Variants in OGDH observed in about 807,000 individuals in gnomAD.
OGDH encodes 2-oxoglutarate dehydrogenase complex component E1.
OGDH carries 38 observed loss-of-function variants against 116.6 expected under a neutral mutation model. The observed-to-expected ratio is 0.33, with a 90% CI of 0.25 to 0.43. The LOEUF is 0.43. Among genes scored for constraint, OGDH ranks in the 20% least tolerant of loss-of-function variants. The pLI is 1.00. For synonymous variants in OGDH, 488 were observed against 533.3 expected, an observed-to-expected ratio of 0.92 and a Z score of 1.17; for missense variants, 825 against 1,357.2, an observed-to-expected ratio of 0.61 and a Z score of 6.16.
At chr7:44,615,038 C>T (rs1321627513) in intron 1 of OGDH, among the ~76,000 whole-genome samples, 1 of 151,964 alleles carries the variant, frequency 6.6e-6, no homozygotes, top group Non-Finnish European at 1.5e-5. Context: ...CCATGTTGGC[C>T]AGGCTGGTCT....
At chr7:44,627,452 T>C (rs1216055175) in intron 2 of OGDH, among the ~76,000 whole-genome samples, 1 of 152,254 alleles carries the variant, frequency 6.6e-6, no homozygotes, top group Non-Finnish European at 1.5e-5. Flanking sequence ...AATAATAGTT[T>C]AAATAGAGAT....
chr7:44,661,987 T>G (rs960782478), intron 4 of OGDH, among the ~76,000 whole-genome samples: 3 of 152,236 alleles, frequency 2.0e-5, no homozygotes, highest in African/African-American at 7.2e-5. Flanking sequence ...CATCTACTAG[T>G]GTCATAACTT....
At chr7:44,608,688 TA>T (rs1163683366) in intron 1 of OGDH, among the ~76,000 whole-genome samples, 3 of 151,398 alleles carry the variant, frequency 2.0e-5, no homozygotes, top group Non-Finnish European at 4.4e-5. Context: ...GCCACGGCAC[TA>T]CAGCCTGAGC....
intron 17 of OGDH, 40 bp from the exon 18 acceptor site, chr7:44,698,152 G>A (rs139723187): frequency 7.2e-5 from 116 of 1,609,282 alleles, no homozygotes; most frequent in African/African-American, 6.5e-4. Context: ...ATGTCAGTAC[G>A]CAAGAGCTCT....
chr7:44,691,258 G>A (rs1428549529), intron 10 of OGDH, among the ~76,000 whole-genome samples: 1 of 152,122 alleles, frequency 6.6e-6, no homozygotes, highest in East Asian at 1.9e-4. Context: ...AGATGCAATG[G>A]CTCAAACCTG....
chr7:44,628,877 C>T (rs1283401768), intron 2 of OGDH, among the ~76,000 whole-genome samples: 1 of 152,072 alleles, frequency 6.6e-6, no homozygotes, highest in East Asian at 1.9e-4. Context: ...GAACAGAATC[C>T]GGTTAACTAG....
chr7:44,653,185 C>T (rs1236553215), intron 4 of OGDH, among the ~76,000 whole-genome samples: 2 of 152,034 alleles, frequency 1.3e-5, no homozygotes, highest in African/African-American at 4.8e-5. Context: ...CCTCCACCTC[C>T]AGGTTCAAGT....
At chr7:44,649,592 C>T (rs1239026631) in intron 4 of OGDH, among the ~76,000 whole-genome samples, 43 of 152,084 alleles carry the variant, frequency 2.8e-4, no homozygotes, top group Non-Finnish European at 2.9e-5. Context: ...CCTCTCCTTC[C>T]AGAACCTGCA....
chr7:44,631,661 A>C (rs1197536989), intron 2 of OGDH, among the ~76,000 whole-genome samples: 1 of 152,154 alleles, frequency 6.6e-6, no homozygotes, highest in Admixed American at 6.5e-5. Context: ...CAACACCCTC[A>C]CTTGTGTGGT....
rs577650463 is a variant in OGDH at position 44,610,754 on chromosome 7, G to T, written c.-28+4101G>T. Among the ~76,000 whole-genome samples, 4 of 152,030 alleles carry T rather than the reference G, an allele frequency of 2.6e-5. No homozygotes were observed. In the South Asian group the frequency reaches 8.3e-4, roughly 32 times the overall value. ...CCCAAGTAGCTGGGACTACAGCCGC[G>T]TGCCACCACGCCCGGCTAATTCTTT... On this transcript the variant is annotated intron_variant, in intron 1 of 22. Coordinates refer to ENST00000222673, the MANE Select transcript of OGDH (RefSeq NM_002541.4).
At chr7:44,647,141 A>G (rs1438746425) in intron 3 of OGDH, among the ~76,000 whole-genome samples, 1 of 152,224 alleles carries the variant, frequency 6.6e-6, no homozygotes, top group African/African-American at 2.4e-5. Context: ...TGGAGTAAGA[A>G]TTGCCCAGCA....
At chr7:44,662,048 T>C (rs1786970311) in intron 4 of OGDH, among the ~76,000 whole-genome samples, 1 of 152,242 alleles carries the variant, frequency 6.6e-6, no homozygotes, top group Non-Finnish European at 1.5e-5. Flanking sequence ...ATCTCTTTAC[T>C]GTCCTGCATT....
intron 2 of OGDH, among the ~76,000 whole-genome samples, chr7:44,644,731 C>T (rs1017733923): frequency 3.3e-5 from 5 of 152,162 alleles, no homozygotes; most frequent in African/African-American, 1.2e-4. Flanking sequence ...GGGGTTAGTG[C>T]TGCCTCTTAC....
chr7:44,656,724 G>A (rs1158594915), intron 4 of OGDH, among the ~76,000 whole-genome samples: 2 of 152,188 alleles, frequency 1.3e-5, no homozygotes, highest in Admixed American at 6.5e-5. Flanking sequence ...GGCTTGTCCT[G>A]TCCTCCACAT....
chr7:44,622,156 T>C (rs1177585274), intron 1 of OGDH, among the ~76,000 whole-genome samples: 1 of 152,066 alleles, frequency 6.6e-6, no homozygotes, highest in Non-Finnish European at 1.5e-5. Context: ...AATATTGCCT[T>C]AATAATGACA....
Position 44,707,299 on chromosome 7 carries a change from T to A in OGDH, c.2707T>A (p.Phe903Ile). 2.5e-6 allele frequency: 4 copies of A among 1,614,240 alleles called. No homozygotes were observed. Among genetic ancestry groups the A allele is most frequent in the Non-Finnish European group, 3.4e-6 (4 of 1,180,030 alleles). ...CCCAGAAAATGTCAAAAGGCTTCTC[T>A]TCTGCACCGGCAAAGTGTATTATGA... is the stretch of plus-strand genomic sequence containing the variant. ...QNPENVKRLL[F>I]CTGKVYYDLT... Residue 903 changes from phenylalanine to isoleucine, a missense_variant, in exon 21 of 23, where the codon TTC becomes ATC. Physicochemically the swap from Phe to Ile is conservative, Grantham distance 21. Coordinates refer to ENST00000222673, the MANE Select transcript of OGDH (RefSeq NM_002541.4). The surrounding 1 kb of genome is among the most constrained non-coding windows in gnomAD (Gnocchi z 5.2).
At chr7:44,627,595 C>T (rs1585240594) in intron 2 of OGDH, among the ~76,000 whole-genome samples, 1 of 152,224 alleles carries the variant, frequency 6.6e-6, no homozygotes, top group Admixed American at 6.5e-5. Flanking sequence ...GGACTAAACT[C>T]ATATAGCAGA....
intron 4 of OGDH, among the ~76,000 whole-genome samples, chr7:44,653,150 G>A (rs988470767): frequency 1.3e-5 from 2 of 152,018 alleles, no homozygotes; most frequent in African/African-American, 4.8e-5. Flanking sequence ...CTGGAGTGCA[G>A]TGGTGCAATG....
chr7:44,640,364 G>A (rs1364214715), intron 2 of OGDH, among the ~76,000 whole-genome samples: 1 of 152,108 alleles, frequency 6.6e-6, no homozygotes, highest in Non-Finnish European at 1.5e-5. Flanking sequence ...CATTCCAGGT[G>A]CTCTAAGTAA....
Sources: allele counts gnomAD v4.1 joint callset (sites outside exome capture counted in the v4.1 genomes callset), GRCh38; gene constraint gnomAD v4.1.1; non-coding constraint Gnocchi (gnomAD v3.1); transcripts MANE v1.5; gene names NCBI Gene and HGNC (gene_info 2026-07-23, HGNC 2026-07-21).